CCT7: variants seen among roughly 807,000 people sequenced by gnomAD.
CCT7 encodes T-complex protein 1 subunit eta.
Under a neutral mutation model 56.6 loss-of-function variants are expected in CCT7, and 16 were observed. The ratio of observed to expected loss-of-function variants is 0.28; its 90% confidence interval spans 0.19 to 0.43. The LOEUF is 0.43. Ranked by LOEUF, CCT7 falls within the 20% of genes least tolerant of loss-of-function variation. The pLI is 1.00. For missense variants in CCT7, 519 were observed against 685.6 expected (o/e 0.76, Z 2.71); for synonymous variants, 262 against 254.8 (o/e 1.03, Z -0.27).
intron 1 of CCT7, chr2:73,235,557 C>T: frequency 2.0e-6 from 2 of 1,002,170 alleles, no homozygotes; most frequent in Non-Finnish European, 2.4e-6. Context: ...TAGCATTGCT[C>T]ATTCTTGAAG....
rs1687466820 is a variant in CCT7, at chr2:73,249,158, G to A, written c.951G>A (p.Glu317=). The change falls in exon 8 of 12, where the codon GAG becomes GAA. Residue 317 remains glutamate, a synonymous_variant. Transcript: ENST00000258091. ...DMFCAGRVPE[E]DLKRTMMACG... is the part of the protein sequence containing the mutation. ...TCTGTGCTGGCCGAGTACCTGAGGA[G>A]GATCTGAAGAGGACAATGATGGTAA... 1.9e-6 allele frequency: 3 copies of A among 1,611,166 alleles called. No homozygotes were observed. Among genetic ancestry groups the A allele is most frequent in the Non-Finnish European group, 8.5e-7 (1 of 1,177,830 alleles).
At position 73,247,935 on chromosome 2, in the gene CCT7, G is replaced by T. The variant is rs1203046590; in HGVS notation, c.783+9G>T. ...GAGTCCACACAGTTGAGGTAGGTGG[G>T]TTCACCAGTTGGTGGGGGCATGGAA... On this transcript the variant is annotated intron_variant, in intron 7 of 11. Transcript: ENST00000258091. 1 of 1,610,130 alleles carries T rather than the reference G, an allele frequency of 6.2e-7. No individual in the cohort carries two copies.
intron 6 of CCT7, among the ~76,000 whole-genome samples, chr2:73,245,012 T>C (rs1687272461): frequency 6.6e-6 from 1 of 152,208 alleles, no homozygotes; most frequent in African/African-American, 2.4e-5. Context: ...AAATCATCAA[T>C]GACCTCCCAA....
chr2:73,251,528 A>G (rs1487858258), intron 11 of CCT7, 96 bp downstream of exon 11: 4 of 1,103,840 alleles, frequency 3.6e-6, no homozygotes, highest in Non-Finnish European at 5.3e-6. Flanking sequence ...CGCCTGGCCC[A>G]GGAGATAGGC....
At chr2:73,247,981 G>T in intron 7 of CCT7, 55 bp downstream of exon 7, 2 of 1,533,758 alleles carry the variant, frequency 1.3e-6, no homozygotes, top group Non-Finnish European at 1.8e-6. Context: ...TTCTGAGCCA[G>T]AGCCCTGGGT....
chr2:73,251,515 G>T, intron 11 of CCT7, 83 bp downstream of exon 11: 1 of 1,250,510 alleles, frequency 8.0e-7, no homozygotes, highest in South Asian at 1.3e-5. Flanking sequence ...CTCAAGCTGT[G>T]CACGCCTGGC....
chr2:73,234,656 A>G (rs188493040), intron 1 of CCT7, among the ~76,000 whole-genome samples: 53 of 152,280 alleles, frequency 3.5e-4, no homozygotes, highest in Non-Finnish European at 3.8e-4. Flanking sequence ...GGGCCCGCGA[A>G]CCCACGTCGG....
chr2:73,234,457 T>C, intron 1 of CCT7, 73 bp downstream of exon 1: 2 of 1,566,096 alleles, frequency 1.3e-6, no homozygotes, highest in South Asian at 1.1e-5. Context: ...CGGCCTGGGC[T>C]TGCTCTGTAG....
Position 73,250,366 on chromosome 2 carries a change from C to T in CCT7, c.1131C>T (p.Gly377=), listed in dbSNP as rs371319753. The T allele has an allele frequency of 6.4e-5, 104 of 1,614,050 alleles. No homozygotes were observed. The African/African-American group carries it at 1.1e-3, about 17-fold the overall frequency. The stretch of plus-strand genomic sequence containing the variant: ...CATGCACCTTCATTCTCCGTGGCGG[C>T]GCCGAGCAGTTTATGGAGGAGACAG... The part of the protein sequence containing the change: ...AKTCTFILRG[G]AEQFMEETER... Residue 377 remains glycine (G), a synonymous_variant, in exon 10 of 12, where the codon GGC becomes GGT. Transcript: ENST00000258091.
At position 73,244,546 on chromosome 2, in the gene CCT7, A is replaced by G; in HGVS notation, c.449A>G (p.Glu150Gly). ...AVTVKKADKV[E>G]QRKLLEKCAM... Reference sequence around the variant, plus strand: ...CAGATTCTGCCCTTGTGTCCCAGGGAGCAGAGGAAGCTGCTGGAAAAGTGT... The same window carrying G: ...CAGATTCTGCCCTTGTGTCCCAGGGGGCAGAGGAAGCTGCTGGAAAAGTGT... Residue 150 changes from glutamate (E) to glycine (G), a missense_variant and splice_region_variant, in exon 6 of 12, where the codon GAG (glutamate) becomes GGG (glycine). Glu to Gly is a moderately conservative substitution (Grantham distance 98). Coordinates refer to ENST00000258091, the MANE Select transcript of CCT7 (RefSeq NM_006429.4). The G allele has an allele frequency of 6.2e-7, 1 of 1,609,502 alleles. No individual in the cohort carries two copies.
At chr2:73,244,108 C>A in intron 5 of CCT7, 59 bp downstream of exon 5, 1 of 1,499,324 alleles carries the variant, frequency 6.7e-7, no homozygotes, top group Non-Finnish European at 9.1e-7. Context: ...TGCTGTATTG[C>A]CCAGGCTAGT....
rs1308862376 is a variant in CCT7 at position 73,250,330 on chromosome 2, C to A, written c.1095C>A (p.Pro365=). The A allele has an allele frequency of 1.2e-6, 2 of 1,614,028 alleles. No individual in the cohort carries two copies. The highest frequency in any genetic ancestry group is 1.7e-5 in the Admixed American group (1 of 60,006). ...GGTACAATTTTTTTACTGGCTGCCC[C>A]AAGGCCAAGACATGCACCTTCATTC... The part of the protein sequence containing the change: ...GERYNFFTGC[P]KAKTCTFILR... The change falls in exon 10 of 12, where the codon CCC becomes CCA. Residue 365 remains proline, a synonymous_variant. Transcript: ENST00000258091.
rs187452401 is a variant in CCT7, at chr2:73,249,173, A to G, written c.966A>G (p.Thr322=). The change falls in exon 8 of 12, where the codon ACA becomes ACG. Residue 322 remains threonine, a synonymous_variant. Transcript: ENST00000258091. ...GRVPEEDLKR[T]MMACGGSIQT... is the part of the protein sequence containing the mutation. ...TACCTGAGGAGGATCTGAAGAGGAC[A>G]ATGATGGTAACCAGATTTTCACAGG... is the stretch of plus-strand genomic sequence containing the variant. 1,088 of 1,600,160 alleles carry G rather than the reference A, an allele frequency of 6.8e-4. 8 individuals carry two copies. In the African/African-American group the frequency reaches 0.012, roughly 18 times the overall value.
At chr2:73,235,792 T>C (rs1289088443) in intron 1 of CCT7, 1 of 157,744 alleles carries the variant, frequency 6.3e-6, no homozygotes, top group South Asian at 2.0e-4. Context: ...TTTGCTTCCT[T>C]TCATCTCTGA....
chr2:73,251,159 G>C, intron 10 of CCT7, 67 bp from the exon 11 acceptor site: 2 of 1,444,684 alleles, frequency 1.4e-6, no homozygotes, highest in Non-Finnish European at 1.9e-6. Flanking sequence ...GGGACCTACT[G>C]AGTGGCCCAG....
rs931531635 is a variant in CCT7, at chr2:73,248,030, C to A, written c.783+104C>A. On this transcript the variant is annotated intron_variant, in intron 7 of 11. Coordinates refer to ENST00000258091, the MANE Select transcript of CCT7 (RefSeq NM_006429.4). The stretch of plus-strand genomic sequence containing the variant: ...GTGGGCCCCTTTCTCTTCCTGCCCC[C>A]CTGAATATTGATGTCTAAGTACTAG... 112 of 984,918 alleles carry A rather than the reference C, an allele frequency of 1.1e-4. 1 individual carries two copies. Among genetic ancestry groups the A allele is most frequent in the Admixed American group, 2.9e-4 (12 of 41,896 alleles). 61.0% of individuals were successfully genotyped at this position (984,918 alleles called of 1,614,324 possible).
rs1175509066 is a variant in CCT7 at position 73,240,528 on chromosome 2, A to G, written c.252A>G (p.Lys84=). ...PAAKTLVDIA[K]SQDAEVGDGT... ...CAAAGACTTTGGTAGACATTGCCAAATCCCAAGATGCTGAGGTAGGAAAAT... is the reference window on the plus strand; with the variant it reads ...CAAAGACTTTGGTAGACATTGCCAAGTCCCAAGATGCTGAGGTAGGAAAAT... The change falls in exon 3 of 12, where the codon AAA becomes AAG. Residue 84 remains lysine, a synonymous_variant. Transcript: ENST00000258091. 1 of 1,600,900 alleles carries G rather than the reference A, an allele frequency of 6.2e-7. No individual in the cohort carries two copies. Among genetic ancestry groups the G allele is most frequent in the East Asian group, 2.3e-5 (1 of 44,324 alleles).
Position 73,251,422 on chromosome 2 carries a change from G to A in CCT7, c.1400G>A (p.Arg467Gln), listed in dbSNP as rs773499900. The stretch of plus-strand genomic sequence containing the variant: ...AACATTCTCAACAAGCTGCGGGCTC[G>A]GCATGCCCAGGTGGGTCCTTTCTCT... ...ATNILNKLRA[R>Q]HAQGGTWYGV... Residue 467 changes from arginine (R) to glutamine (Q), a missense_variant, in exon 11 of 12, where the codon CGG becomes CAG. Around this residue, in one of 3 missense-constraint regions of CCT7, gnomAD observed 237 missense variants for 300.8 expected, o/e 0.79. Coordinates refer to ENST00000258091, the MANE Select transcript of CCT7 (RefSeq NM_006429.4). 1.3e-5 allele frequency: 21 copies of A among 1,612,796 alleles called. No individual in the cohort carries two copies. Among genetic ancestry groups the A allele is most frequent in the African/African-American group, 2.7e-5 (2 of 74,864 alleles).
intron 8 of CCT7, 126 bp from the exon 9 acceptor site, chr2:73,249,693 A>G (rs1687489941): frequency 7.2e-6 from 5 of 694,008 alleles, no homozygotes; most frequent in Admixed American, 6.3e-5. Flanking sequence ...CTGGAAGTCA[A>G]GGGAAAGGGC....
Sources: allele counts gnomAD v4.1 joint callset (sites outside exome capture counted in the v4.1 genomes callset), GRCh38; gene constraint gnomAD v4.1.1; regional missense constraint gnomAD v4.1.1; transcripts MANE v1.5; gene names NCBI Gene and HGNC (gene_info 2026-07-23, HGNC 2026-07-21).